YPEL2: variants seen among roughly 807,000 people sequenced by gnomAD.
The protein encoded by YPEL2 is yippee like 2.
A neutral mutation model predicts 19.1 loss-of-function variants in YPEL2; 2 were observed. The ratio of observed to expected loss-of-function variants is 0.10; its 90% CI spans 0.04 to 0.33. The LOEUF (loss-of-function observed/expected upper bound fraction) is 0.33. Ranked by LOEUF, YPEL2 falls within the 10% of genes least tolerant of loss-of-function variation. The probability of loss-of-function intolerance (pLI) is 1.00; values close to 1 mark genes in which losing one functional copy is unlikely to be tolerated. For missense variants in YPEL2, 66 were observed against 140.7 expected (o/e 0.47, Z 2.68); for synonymous variants, 52 against 50.0 (o/e 1.04, Z -0.17).
At chr17:59,389,183 T>C in intron 3 of YPEL2, 177 bp from the exon 4 acceptor site, 3 of 567,644 alleles carry the variant, frequency 5.3e-6, no homozygotes, top group Non-Finnish European at 9.5e-6. Flanking sequence ...CTGAATTTCC[T>C]TCCAGCTGAG....
intron 2 of YPEL2, among the ~76,000 whole-genome samples, chr17:59,381,871 C>T (rs2047951038): frequency 6.6e-6 from 1 of 152,206 alleles, no homozygotes; most frequent in African/African-American, 2.4e-5. Context: ...TTGGCATCTC[C>T]TGGTCTGAAA....
intron 2 of YPEL2, among the ~76,000 whole-genome samples, chr17:59,360,669 G>C (rs191089580): frequency 3.3e-5 from 5 of 152,294 alleles, no homozygotes; most frequent in East Asian, 1.9e-4. Context: ...AATCTGTACA[G>C]AAAGTCTCCA....
At chr17:59,347,994 A>G (rs2047765387) in intron 1 of YPEL2, among the ~76,000 whole-genome samples, 1 of 151,990 alleles carries the variant, frequency 6.6e-6, no homozygotes. Context: ...AATAGATGAA[A>G]TTTTGGTGTG....
At chr17:59,339,855 T>C (rs529345563) in intron 1 of YPEL2, among the ~76,000 whole-genome samples, 11 of 152,216 alleles carry the variant, frequency 7.2e-5, no homozygotes, top group Non-Finnish European at 1.5e-4. Context: ...CATAGACGCA[T>C]AACAGGGAAT....
intron 4 of YPEL2, among the ~76,000 whole-genome samples, chr17:59,391,940 G>A (rs1000054745): frequency 1.3e-5 from 2 of 151,642 alleles, no homozygotes; most frequent in Non-Finnish European, 2.9e-5. Context: ...AGTGTGTTGT[G>A]TGGTGCCAAG....
rs545294990 is a variant in YPEL2, at chr17:59,399,259, G to C, written c.*2069G>C. The C allele has an allele frequency of 2.0e-5, 3 of 152,538 alleles. No individual in the cohort carries two copies. The highest frequency in any genetic ancestry group is 4.4e-5 in the Non-Finnish European group (3 of 68,028). The allele number at this position is 152,538 out of a possible 1,614,324, so 9.4% of individuals were successfully genotyped here. A position where few individuals can be genotyped will look rare whatever the true frequency, so the allele number is the denominator to read the frequency against. ...CCTCTCTCCCTTCCCCCTCCTCAAG[G>C]AAATAGTCTTCCTTTATGGATTTTC... On this transcript the variant is annotated 3_prime_UTR_variant, in exon 5 of 5. Transcript: ENST00000312655.
At chr17:59,373,958 G>A (rs1319129674) in intron 2 of YPEL2, among the ~76,000 whole-genome samples, 1 of 152,192 alleles carries the variant, frequency 6.6e-6, no homozygotes, top group African/African-American at 2.4e-5. Flanking sequence ...CAGATAAACA[G>A]GAAGTTTGAA....
At position 59,370,389 on chromosome 17, in the gene YPEL2, A is replaced by T. The variant is rs573623366; in HGVS notation, c.117+16863A>T. 3.3e-5 allele frequency among the ~76,000 whole-genome samples: 5 copies of T among 152,284 alleles called. No individual in the cohort carries two copies. In the South Asian group the frequency reaches 1.0e-3, roughly 32 times the overall value. ...GAATTTTTATTTTTATTTTTTAATG[A>T]TTCTGATTTTTATTATCAGGTCAGA... On this transcript the variant is annotated intron_variant, in intron 2 of 4. Transcript: ENST00000312655.
chr17:59,333,041 T>A lies in YPEL2; in HGVS notation c.-196+1217T>A, dbSNP rs193258857. 6.6e-4 allele frequency among the ~76,000 whole-genome samples: 100 copies of A among 152,352 alleles called. 1 individual carries two copies. In the South Asian group the frequency reaches 7.7e-3, roughly 12 times the overall value. On this transcript the variant is annotated intron_variant, in intron 1 of 4. Coordinates refer to ENST00000312655, the MANE Select transcript of YPEL2 (RefSeq NM_001005404.4). ...ACAGAGCATTAAAGATGCAAGAAGTTCAGTAAACCGCCTCACTGGCTCTGG... is the reference window on the plus strand; with the variant it reads ...ACAGAGCATTAAAGATGCAAGAAGTACAGTAAACCGCCTCACTGGCTCTGG...
chr17:59,389,137 T>G, intron 3 of YPEL2: 1 of 543,968 alleles, frequency 1.8e-6, no homozygotes, highest in Non-Finnish European at 3.3e-6. Context: ...CCATAAAGAT[T>G]ATTTCGGTAG....
chr17:59,350,891 A>G (rs879344135), intron 1 of YPEL2, among the ~76,000 whole-genome samples: 1 of 152,154 alleles, frequency 6.6e-6, no homozygotes, highest in Non-Finnish European at 1.5e-5. Flanking sequence ...GTGTTTGTGT[A>G]AGACGGATGG....
At chr17:59,350,365 C>A (rs1391367503) in intron 1 of YPEL2, among the ~76,000 whole-genome samples, 1 of 152,138 alleles carries the variant, frequency 6.6e-6, no homozygotes, top group Non-Finnish European at 1.5e-5. Flanking sequence ...TCTGGCTTTT[C>A]CTTTTTTCTT....
At chr17:59,337,680 A>G (rs1386437394) in intron 1 of YPEL2, among the ~76,000 whole-genome samples, 1 of 152,124 alleles carries the variant, frequency 6.6e-6, no homozygotes, top group African/African-American at 2.4e-5. Flanking sequence ...TTTAGTGACT[A>G]TGTAGGGCCC....
intron 2 of YPEL2, among the ~76,000 whole-genome samples, chr17:59,369,083 T>C (rs1335628952): frequency 6.6e-6 from 1 of 151,698 alleles, no homozygotes; most frequent in African/African-American, 2.4e-5. Context: ...TCCTGGGCCC[T>C]CTGTCTCATC....
chr17:59,339,352 C>A lies in YPEL2; in HGVS notation c.-196+7528C>A, dbSNP rs370536308. 2.1e-4 allele frequency among the ~76,000 whole-genome samples: 32 copies of A among 152,222 alleles called. No homozygotes were observed. In the Middle Eastern group the frequency reaches 0.01, roughly 49 times the overall value. ...TGTTAGGATTTGAGGAAAAGTTATC[C>A]CCACACTTAACTGCAGCCTTAAAGC... is the stretch of plus-strand genomic sequence containing the variant. On this transcript the variant is annotated intron_variant, in intron 1 of 4. Transcript: ENST00000312655.
At chr17:59,338,926 G>A (rs1022180580) in intron 1 of YPEL2, among the ~76,000 whole-genome samples, 2 of 152,180 alleles carry the variant, frequency 1.3e-5, no homozygotes, top group Non-Finnish European at 2.9e-5. Flanking sequence ...TGTTTCCCAG[G>A]TTCTTCTAAA....
At chr17:59,356,369 A>C (rs890123195) in intron 2 of YPEL2, 9 of 150,558 alleles carry the variant, frequency 6.0e-5, no homozygotes, top group Non-Finnish European at 1.3e-4. Context: ...GAGTGTGACC[A>C]GCAGTGAACT....
chr17:59,339,837 T>C (rs927748798), intron 1 of YPEL2, among the ~76,000 whole-genome samples: 1 of 152,136 alleles, frequency 6.6e-6, no homozygotes, highest in African/African-American at 2.4e-5. Context: ...AATTGAGATA[T>C]GACCCCTCAT....
At chr17:59,389,646 T>C (rs2085032385) in intron 4 of YPEL2, among the ~76,000 whole-genome samples, 178 bp downstream of exon 4, 1 of 151,956 alleles carries the variant, frequency 6.6e-6, no homozygotes, top group Non-Finnish European at 1.5e-5. Context: ...CTCCTCCTAT[T>C]CATTCCTTCA....
Sources: allele counts gnomAD v4.1 joint callset (sites outside exome capture counted in the v4.1 genomes callset), GRCh38; gene constraint gnomAD v4.1.1; transcripts MANE v1.5; gene names NCBI Gene and HGNC (gene_info 2026-07-23, HGNC 2026-07-21).